The following PPM1D variants were observed in gnomAD, a reference collection of about 807,000 sequenced individuals.
PPM1D encodes the protein protein phosphatase, Mg2+/Mn2+ dependent 1D.
Under a neutral mutation model 58.3 loss-of-function variants are expected in PPM1D, and 52 were observed. The observed-to-expected ratio is 0.89, with a 90% CI of 0.71 to 1.12. PPM1D has a LOEUF of 1.12. Among genes scored for constraint, PPM1D ranks in the 50% most tolerant of loss-of-function variants. The pLI is 0.00. For missense variants in PPM1D, 564 were observed against 777.2 expected, an observed-to-expected ratio of 0.73 and a Z score of 3.26; for synonymous variants, 278 against 285.1, an observed-to-expected ratio of 0.98 and a Z score of 0.25.
intron 4 of PPM1D, 58 bp from the exon 5 acceptor site, chr17:60,656,541 A>AG: frequency 1.3e-6 from 2 of 1,585,136 alleles, no homozygotes; most frequent in Non-Finnish European, 1.7e-6. Flanking sequence ...ATATAGATAC[A>AG]GATGTAGTGG....
intron 1 of PPM1D, among the ~76,000 whole-genome samples, chr17:60,607,410 G>A (rs1345003502): frequency 6.6e-6 from 1 of 152,102 alleles, no homozygotes; most frequent in Non-Finnish European, 1.5e-5. Flanking sequence ...AGCTTCCCGA[G>A]TAACTGGGAT....
intron 2 of PPM1D, among the ~76,000 whole-genome samples, chr17:60,633,093 C>G (rs955634167): frequency 6.6e-6 from 1 of 152,110 alleles, no homozygotes; most frequent in Non-Finnish European, 1.5e-5. Context: ...CAAGACCAGC[C>G]TGGCCAACAT....
At chr17:60,620,295 C>A (rs548925484) in intron 1 of PPM1D, among the ~76,000 whole-genome samples, 1 of 152,070 alleles carries the variant, frequency 6.6e-6, no homozygotes, top group Non-Finnish European at 1.5e-5. Flanking sequence ...CCGCGCCCGG[C>A]CTGCCCAGTT....
intron 1 of PPM1D, among the ~76,000 whole-genome samples, chr17:60,610,734 A>G (rs369161027): frequency 2.0e-5 from 3 of 152,226 alleles, no homozygotes; most frequent in East Asian, 3.8e-4. Flanking sequence ...TTGCAAAGCC[A>G]AAAGTATTTT....
intron 1 of PPM1D, among the ~76,000 whole-genome samples, chr17:60,616,343 T>C (rs558400578): frequency 7.3e-5 from 11 of 151,256 alleles, no homozygotes; most frequent in Middle Eastern, 3.5e-3. Context: ...GTTCAGTGGC[T>C]CATGCCTGTA....
At chr17:60,658,563 G>A (rs940020520) in intron 5 of PPM1D, among the ~76,000 whole-genome samples, 5 of 150,952 alleles carry the variant, frequency 3.3e-5, no homozygotes, top group African/African-American at 1.2e-4. Context: ...CAGGAGAATC[G>A]CTTGAACCCA....
chr17:60,608,511 T>C lies in PPM1D; in HGVS notation c.472+7625T>C, dbSNP rs534241985. 1.8e-4 allele frequency among the ~76,000 whole-genome samples: 27 copies of C among 152,156 alleles called. No homozygotes were observed. The South Asian group carries it at 4.8e-3, about 27-fold the overall frequency. On this transcript the variant is annotated intron_variant, in intron 1 of 5. Transcript: ENST00000305921. ...AAAAAATTAGCTGGGTGTGGTGGCA[T>C]GCGCTGGTAGTCCCAGCTACAGTGA... is the stretch of plus-strand genomic sequence containing the variant.
At chr17:60,641,832 A>G (rs2031138981) in intron 3 of PPM1D, among the ~76,000 whole-genome samples, 1 of 152,194 alleles carries the variant, frequency 6.6e-6, no homozygotes, top group Non-Finnish European at 1.5e-5. Flanking sequence ...CTGAAATTTG[A>G]TAGGTGTAAG....
chr17:60,646,709 C>T (rs1037254269), intron 3 of PPM1D, among the ~76,000 whole-genome samples: 2 of 151,944 alleles, frequency 1.3e-5, no homozygotes, highest in Non-Finnish European at 1.5e-5. Context: ...TGGCCTGGGT[C>T]GACTAAAAGT....
intron 4 of PPM1D, 38 bp downstream of exon 4, chr17:60,648,120 A>G: frequency 6.4e-7 from 1 of 1,569,564 alleles, no homozygotes. Flanking sequence ...TGTTGTCTAA[A>G]CATTGTTTTG....
chr17:60,600,512 C>T lies in PPM1D; in HGVS notation c.98C>T (p.Pro33Leu), dbSNP rs866963714. The change falls in exon 1 of 6, where the codon CCG becomes CTG. Residue 33 changes from proline to leucine, a missense_variant. Pro to Leu is a moderately conservative substitution (Grantham distance 98). Transcript: ENST00000305921. ...ACTCAAATCGTTGTGGAGCCCGAACCGACGGCTGAAGAAAAGCCCTCGCCG... is the reference window on the plus strand; with the variant it reads ...ACTCAAATCGTTGTGGAGCCCGAACTGACGGCTGAAGAAAAGCCCTCGCCG... ...DVTQIVVEPE[P>L]TAEEKPSPRR... 4 of 1,567,028 alleles carry T rather than the reference C, an allele frequency of 2.6e-6. No homozygotes were observed. Among genetic ancestry groups the T allele is most frequent in the Admixed American group, 3.8e-5 (2 of 52,086 alleles).
intron 3 of PPM1D, among the ~76,000 whole-genome samples, chr17:60,638,293 A>G (rs1358696297): frequency 2.6e-5 from 4 of 152,084 alleles, no homozygotes; most frequent in East Asian, 1.9e-4. Flanking sequence ...AAATAATGCT[A>G]CCTTTTAGAT....
At chr17:60,637,219 C>T (rs2031041060) in intron 3 of PPM1D, among the ~76,000 whole-genome samples, 1 of 152,038 alleles carries the variant, frequency 6.6e-6, no homozygotes, top group African/African-American at 2.4e-5. Context: ...TCTCATTACT[C>T]ATGAATTTTT....
Position 60,626,233 on chromosome 17 carries a change from GTT to G in PPM1D, c.701+2487_701+2488del, listed in dbSNP as rs536885827. Reference sequence around the variant, plus strand: ...GAATTGCTTGGCCAAAGAGGTGTATGTTTTGAATATTGATAACTATTTGTCTC... The same window carrying G: ...GAATTGCTTGGCCAAAGAGGTGTATGTTGAATATTGATAACTATTTGTCTC... On this transcript the variant is annotated intron_variant, in intron 2 of 5. Transcript: ENST00000305921. Among the ~76,000 whole-genome samples the G allele has an allele frequency of 8.5e-3, 1,289 of 152,138 alleles. 7 individuals are homozygous for G. The highest frequency in any genetic ancestry group is 0.017 in the Middle Eastern group (5 of 294).
intron 4 of PPM1D, among the ~76,000 whole-genome samples, chr17:60,651,566 T>G (rs529564957): frequency 8.9e-4 from 136 of 152,050 alleles, no homozygotes; most frequent in African/African-American, 3.2e-3. Context: ...CCTGGCTAAT[T>G]TTTTTTATTT....
intron 4 of PPM1D, among the ~76,000 whole-genome samples, chr17:60,649,295 G>A (rs956793299): frequency 2.0e-5 from 3 of 152,142 alleles, no homozygotes; most frequent in Admixed American, 6.5e-5. Flanking sequence ...CCAAAGATGG[G>A]TTATCCTTAG....
chr17:60,613,932 CCCCGATGAGCACCA>C (rs1304890408), intron 1 of PPM1D, among the ~76,000 whole-genome samples: 1 of 150,892 alleles, frequency 6.6e-6, no homozygotes, highest in Non-Finnish European at 1.5e-5. Context: ...GCCCAAGCCT[CCCCGATGAGCACCA>C]CCCCCTGCTC....
intron 4 of PPM1D, 105 bp from the exon 5 acceptor site, chr17:60,656,494 T>G: frequency 6.9e-7 from 1 of 1,446,730 alleles, no homozygotes; most frequent in Non-Finnish European, 9.2e-7. Flanking sequence ...ATTGGGAGCT[T>G]TGTTTGGGCC....
intron 4 of PPM1D, 42 bp downstream of exon 4, chr17:60,648,124 T>C (rs760297707): frequency 1.3e-6 from 2 of 1,562,990 alleles, no homozygotes; most frequent in Non-Finnish European, 1.7e-6. Context: ...GTCTAAACAT[T>C]GTTTTGGTAC....
Sources: gnomAD v4.1 joint callset for allele counts (sites outside exome capture counted in the v4.1 genomes callset) on GRCh38, gnomAD v4.1.1 for gene constraint, MANE v1.5 for transcripts, NCBI Gene and HGNC (gene_info 2026-07-23, HGNC 2026-07-21) for gene names.